Variants in HYOU1 observed in about 807,000 individuals in gnomAD.
The protein encoded by HYOU1 is hypoxia up-regulated protein 1.
HYOU1 carries 40 observed loss-of-function variants against 120.5 expected under a neutral mutation model. The ratio of observed to expected loss-of-function variants is 0.33; its 90% CI spans 0.26 to 0.43. The LOEUF (loss-of-function observed/expected upper bound fraction) is 0.43. Among genes scored for constraint, HYOU1 ranks in the 20% least tolerant of loss-of-function variants. The pLI, the probability that HYOU1 is intolerant of heterozygous loss-of-function variation, is 1.00. For missense variants in HYOU1, 1,085 were observed against 1,278.3 expected (o/e 0.85, Z 2.31); for synonymous variants, 501 against 479.4 (o/e 1.05, Z -0.59).
rs1160194135 is a variant in HYOU1, at chr11:119,052,276, C to T, written c.1122+19G>A. 5 of 1,614,076 alleles carry T rather than the reference C, an allele frequency of 3.1e-6. No homozygotes were observed. In the South Asian group the frequency reaches 3.3e-5, roughly 11 times the overall value. The stretch of plus-strand genomic sequence containing the variant: ...TGCCCTTTCCTACGGGGCATTCCCG[C>T]CTTCCCCTACTCGCTCACCAGACTC... On this transcript the variant is annotated intron_variant, in intron 10 of 25. Transcript: ENST00000617285. The surrounding 1 kb of genome is among the most constrained non-coding windows in gnomAD (Gnocchi z 5.0).
In HYOU1 at chr11:119,054,599, A is replaced by G; in HGVS notation, c.573T>C (p.Ala191=). The G allele has an allele frequency of 6.2e-7, 1 of 1,614,176 alleles. No individual in the cohort carries two copies. Residue 191 remains alanine, a synonymous_variant, in exon 7 of 26, where the codon GCT becomes GCC. Transcript: ENST00000617285. ...GCACTTTGAGGCCAGCCATACGAGC[A>G]GCCTGCAGCACAGCTCGGCGCTCGG... ...NQAERRAVLQ[A]ARMAGLKVLQ...
rs2133613997 is a variant in HYOU1, at chr11:119,055,530, T to C, written c.227A>G (p.Glu76Gly). 14 of 1,614,140 alleles carry C rather than the reference T, an allele frequency of 8.7e-6. No individual in the cohort carries two copies. In the Middle Eastern group the frequency reaches 2.1e-3, roughly 247 times the overall value. Residue 76 changes from glutamate (E) to glycine (G), a missense_variant, in exon 4 of 26, where the codon GAA (glutamate) becomes GGA (glycine). Glu to Gly is a moderately conservative substitution (Grantham distance 98). This residue lies in a region of HYOU1 where 515 missense variants were observed against 677.8 expected (regional missense o/e 0.76). Transcript: ENST00000617285. This position sits in a 1 kb window ranked among gnomAD's most constrained non-coding sequence, Gnocchi z 4.0. ...ACTGTCTCCAAAGAATCTTTCATTT[T>C]CTTTCAGGGTCACGATCACCGGTGT... ...RKTPVIVTLKENERFFGDSAA... is the reference protein window; with the variant it reads ...RKTPVIVTLKGNERFFGDSAA...
At chr11:119,046,356 G>T in intron 24 of HYOU1, 61 bp downstream of exon 24, 1 of 1,529,828 alleles carries the variant, frequency 6.5e-7, no homozygotes, top group Non-Finnish European at 9.0e-7. Flanking sequence ...GTGCCTGCCA[G>T]TTTGCCTACC....
Position 119,056,181 on chromosome 11 carries a change from A to G in HYOU1, c.-7-14T>C, listed in dbSNP as rs1944746681. On this transcript the variant is annotated splice_polypyrimidine_tract_variant and intron_variant, in intron 1 of 25. Transcript: ENST00000617285. ...GCCATAGTGCCCCTGGGGGAGGCGA[A>G]GAAAGAAAACACTTAAAACTGGATA... The G allele has an allele frequency of 6.3e-7, 1 of 1,591,636 alleles. No homozygotes were observed. The highest frequency in any genetic ancestry group is 1.7e-5 in the Admixed American group (1 of 59,928).
chr11:119,056,267 C>T (rs1944754545), intron 1 of HYOU1, 100 bp from the exon 2 acceptor site: 2 of 840,684 alleles, frequency 2.4e-6, no homozygotes, highest in Non-Finnish European at 2.0e-6. Context: ...TTCATATCTA[C>T]TTCATTCTTA....
intron 14 of HYOU1, among the ~76,000 whole-genome samples, chr11:119,050,089 T>C (rs1944333210): frequency 6.6e-6 from 1 of 152,148 alleles, no homozygotes; most frequent in African/African-American, 2.4e-5. Context: ...GGCTATTACA[T>C]CCATATTACC....
At position 119,046,465 on chromosome 11, in the gene HYOU1, G is replaced by T; in HGVS notation, c.2839C>A (p.Gln947Lys). The T allele has an allele frequency of 6.2e-7, 1 of 1,614,052 alleles. No individual in the cohort carries two copies. Among genetic ancestry groups the T allele is most frequent in the South Asian group, 1.1e-5 (1 of 91,068 alleles). ...GAAATGGGCTCTGCATCTTCAGTCT[G>T]GCCTAGAAGGAAACCAGGGGTAAGA... ...QGEKVIPPAG[Q>K]TEDAEPISEP... The change falls in exon 24 of 26, where the codon CAG (glutamine) becomes AAG (lysine). Residue 947 changes from glutamine (Q) to lysine (K), a missense_variant and splice_region_variant. Transcript: ENST00000617285.
chr11:119,052,438 G>C lies in HYOU1; in HGVS notation c.988-9C>G, dbSNP rs1944496655. The C allele has an allele frequency of 6.2e-7, 1 of 1,614,032 alleles. No homozygotes were observed. The highest frequency in any genetic ancestry group is 8.5e-7 in the Non-Finnish European group (1 of 1,180,050). On this transcript the variant is annotated splice_polypyrimidine_tract_variant and intron_variant, in intron 9 of 25. Transcript: ENST00000617285. The surrounding 1 kb of genome is among the most constrained non-coding windows in gnomAD (Gnocchi z 5.0). Reference sequence around the variant, plus strand: ...TCCATCAGGCCTTCAATCTGGGAGAGGATGGGGACTGTCAGGGGGTTCTTG... The same window carrying C: ...TCCATCAGGCCTTCAATCTGGGAGACGATGGGGACTGTCAGGGGGTTCTTG...
chr11:119,051,011 C>G lies in HYOU1; in HGVS notation c.1665+24G>C, dbSNP rs1944407917. ...GCAGGGCCTGAGCCCCTGCTCTGCA[C>G]ACAGGGTATCCTTTAGCTCTCACCC... On this transcript the variant is annotated intron_variant, in intron 14 of 25. Coordinates refer to ENST00000617285, the MANE Select transcript of HYOU1 (RefSeq NM_006389.5). This position sits in a 1 kb window ranked among gnomAD's most constrained non-coding sequence, Gnocchi z 4.2. 6.2e-7 allele frequency: 1 copy of G among 1,613,692 alleles called. No individual in the cohort carries two copies. Among genetic ancestry groups the G allele is most frequent in the African/African-American group, 1.3e-5 (1 of 74,922 alleles).
Position 119,048,730 on chromosome 11 carries a change from C to T in HYOU1, c.2149G>A (p.Ala717Thr), listed in dbSNP as rs2133566775. ...CTCACTTACTTCTGCACCGACTGAGCCAGCTTATCCTCTGGCAAGTCAGGC... is the reference window on the plus strand; with the variant it reads ...CTCACTTACTTCTGCACCGACTGAGTCAGCTTATCCTCTGGCAAGTCAGGC... ...DLPDLPEDKL[A>T]QSVQKLQDLT... is the part of the protein sequence containing the mutation. Residue 717 changes from alanine to threonine, a missense_variant, in exon 18 of 26, where the codon GCT becomes ACT. By Grantham distance (58) the Ala-to-Thr change is moderately conservative (BLOSUM62 0). Coordinates refer to ENST00000617285, the MANE Select transcript of HYOU1 (RefSeq NM_006389.5). This position sits in a 1 kb window ranked among gnomAD's most constrained non-coding sequence, Gnocchi z 4.7. 1.2e-6 allele frequency: 2 copies of T among 1,611,410 alleles called. No homozygotes were observed. Among genetic ancestry groups the T allele is most frequent in the East Asian group, 4.5e-5 (2 of 44,872 alleles).
At chr11:119,054,738 G>A in intron 6 of HYOU1, 63 bp from the exon 7 acceptor site, 8 of 1,495,756 alleles carry the variant, frequency 5.3e-6, no homozygotes, top group Non-Finnish European at 6.4e-6. Context: ...CTTCTAATCT[G>A]GTCACTAATG....
At chr11:119,056,407 T>C (rs1208078846) in intron 1 of HYOU1, 2 of 606,028 alleles carry the variant, frequency 3.3e-6, no homozygotes, top group Admixed American at 4.3e-5. Flanking sequence ...GCCACATCCC[T>C]AAACAGAGAA....
In HYOU1 at chr11:119,051,498, T is replaced by C. The variant is rs1217110897; in HGVS notation, c.1466A>G (p.His489Arg). The change falls in exon 13 of 26, where the codon CAT (histidine) becomes CGT (arginine). Residue 489 changes from histidine (H) to arginine (R), a missense_variant. His to Arg is a conservative substitution (Grantham distance 29). This residue lies in a region of HYOU1 where 515 missense variants were observed against 677.8 expected (regional missense o/e 0.76). Coordinates refer to ENST00000617285, the MANE Select transcript of HYOU1 (RefSeq NM_006389.5). This position sits in a 1 kb window ranked among gnomAD's most constrained non-coding sequence, Gnocchi z 4.2. ...GTAGTTGATGTGGAAGTTGAAATCA[T>C]GGCTGTAGCGGTTAAAGGTGATGAC... ...RKVITFNRYSHDFNFHINYGD... is the reference protein window; with the variant it reads ...RKVITFNRYSRDFNFHINYGD... 5 of 1,614,024 alleles carry C rather than the reference T, an allele frequency of 3.1e-6. No homozygotes were observed. Among genetic ancestry groups the C allele is most frequent in the African/African-American group, 2.7e-5 (2 of 74,900 alleles).
rs1804693 is a variant in HYOU1 at position 119,044,909 on chromosome 11, T to G, written c.*684A>C. The G allele has an allele frequency of 0.023, 7,201 of 318,708 alleles. 460 individuals carry two copies. The highest frequency in any genetic ancestry group is 0.14 in the African/African-American group (6,488 of 46,522). The allele number at this position is 318,708 out of a possible 1,614,324, so 19.7% of individuals were successfully genotyped here. ...CTGTGCCCCTCCCTCCTCTGGCCAC[T>G]AGGGGTGGGAAATACGAGTGAGAAT... is the stretch of plus-strand genomic sequence containing the variant. On this transcript the variant is annotated 3_prime_UTR_variant, in exon 26 of 26. Transcript: ENST00000617285.
chr11:119,056,512 G>A (rs377732922), intron 1 of HYOU1: 3 of 392,222 alleles, frequency 7.6e-6, no homozygotes, highest in African/African-American at 6.2e-5. Flanking sequence ...TCAGACACCT[G>A]GGGTGCGGCC....
chr11:119,047,523 T>C (rs1483882072), intron 22 of HYOU1: 5 of 540,772 alleles, frequency 9.2e-6, no homozygotes, highest in Non-Finnish European at 1.7e-5. Context: ...CCTCATGGGA[T>C]GGGCTTTTTT....
Position 119,045,783 on chromosome 11 carries a change from G to A in HYOU1, c.2936C>T (p.Ala979Val). 1 of 1,612,076 alleles carries A rather than the reference G, an allele frequency of 6.2e-7. No homozygotes were observed. Among genetic ancestry groups the A allele is most frequent in the South Asian group, 1.1e-5 (1 of 90,950 alleles). Reference sequence around the variant, plus strand: ...CGTAGCCCCGGCTCCATCCTCACCTGCTCCAGGACCTCCTAACTCCAAAGG... The same window carrying A: ...CGTAGCCCCGGCTCCATCCTCACCTACTCCAGGACCTCCTAACTCCAAAGG... The part of the protein sequence containing the change: ...TEPLELGGPG[A>V]EPEQKEQSTG... The change falls in exon 25 of 26, where the codon GCA becomes GTA. Residue 979 changes from alanine (A) to valine (V), a missense_variant and splice_region_variant. Coordinates refer to ENST00000617285, the MANE Select transcript of HYOU1 (RefSeq NM_006389.5).
In HYOU1 at chr11:119,048,447, G is replaced by T. The variant is rs191259381; in HGVS notation, c.2253+29C>A. 21 of 1,612,348 alleles carry T rather than the reference G, an allele frequency of 1.3e-5. No individual in the cohort carries two copies. The highest frequency in any genetic ancestry group is 1.7e-4 in the Middle Eastern group (1 of 6,008). ...CCACAGAGCCAGGTGTAAGCCCAGT[G>T]GGGGGGCTGCTGCCTCCTGCCCACT... On this transcript the variant is annotated intron_variant, in intron 19 of 25. Transcript: ENST00000617285. The surrounding 1 kb of genome is among the most constrained non-coding windows in gnomAD (Gnocchi z 4.7).
chr11:119,056,393 C>T lies in HYOU1; in HGVS notation c.-7-226G>A, dbSNP rs781959179. ...CAAGTGAAAGAGCATGGGTCCTCGGCTTTGCCACATCCCTAAACAGAGAAG... is the reference window on the plus strand; with the variant it reads ...CAAGTGAAAGAGCATGGGTCCTCGGTTTTGCCACATCCCTAAACAGAGAAG... On this transcript the variant is annotated intron_variant, in intron 1 of 25. Coordinates refer to ENST00000617285, the MANE Select transcript of HYOU1 (RefSeq NM_006389.5). The T allele has an allele frequency of 2.2e-4, 139 of 632,692 alleles. No homozygotes were observed. In the African/African-American group the frequency reaches 2.4e-3, roughly 11 times the overall value. The allele number at this position is 632,692 out of a possible 1,614,324, so 39.2% of individuals were successfully genotyped here.
Sources: gnomAD v4.1 joint callset for allele counts (sites outside exome capture counted in the v4.1 genomes callset) on GRCh38, gnomAD v4.1.1 for gene constraint, gnomAD v4.1.1 regional missense constraint, Gnocchi (gnomAD v3.1) non-coding constraint, MANE v1.5 for transcripts, NCBI Gene and HGNC (gene_info 2026-07-23, HGNC 2026-07-21) for gene names.